The following DSCAM variants were observed in gnomAD, a reference collection of about 807,000 sequenced individuals.
DSCAM encodes the protein DS cell adhesion molecule.
Under a neutral mutation model 217.7 loss-of-function variants are expected in DSCAM, and 47 were observed. The observed-to-expected ratio is 0.22, with a 90% CI of 0.17 to 0.28. The LOEUF (loss-of-function observed/expected upper bound fraction) is 0.28, where lower values mean the gene tolerates loss of function less well. DSCAM is among the 10% of genes least tolerant of loss of function. The pLI, the probability that DSCAM is intolerant of heterozygous loss-of-function variation, is 1.00. For synonymous variants in DSCAM, 1,056 were observed against 1,015.3 expected (o/e 1.04, Z -0.76); for missense variants, 2,080 against 2,618.3 (o/e 0.79, Z 4.49).
At chr21:40,521,049 T>C (rs2076354769) in intron 3 of DSCAM, among the ~76,000 whole-genome samples, 1 of 152,208 alleles carries the variant, frequency 6.6e-6, no homozygotes, top group South Asian at 2.1e-4. Flanking sequence ...AAGCACTCTT[T>C]CTGTGTTTTA....
intron 1 of DSCAM, among the ~76,000 whole-genome samples, chr21:40,724,924 A>G (rs569379537): frequency 1.3e-5 from 2 of 152,210 alleles, no homozygotes; most frequent in Non-Finnish European, 2.9e-5. Context: ...TTCTTTCTTC[A>G]TGTAACGCAC....
intron 11 of DSCAM, among the ~76,000 whole-genome samples, chr21:40,205,319 T>C (rs577298301): frequency 6.6e-6 from 1 of 152,162 alleles, no homozygotes; most frequent in African/African-American, 2.4e-5. Context: ...AGTGTACTCT[T>C]GGGCCTGGTG....
intron 3 of DSCAM, among the ~76,000 whole-genome samples, chr21:40,425,757 C>T (rs912500421): frequency 6.7e-6 from 1 of 148,438 alleles, no homozygotes; most frequent in South Asian, 2.1e-4. Flanking sequence ...TAGTATAATT[C>T]TAAAGAATAT....
intron 2 of DSCAM, among the ~76,000 whole-genome samples, chr21:40,695,182 C>T (rs949245531): frequency 3.3e-5 from 5 of 152,224 alleles, no homozygotes; most frequent in Non-Finnish European, 7.4e-5. Context: ...GGTCAAGTTC[C>T]ATGTATCAGA....
At chr21:40,376,407 T>A (rs1250867753) in intron 3 of DSCAM, among the ~76,000 whole-genome samples, 1 of 146,848 alleles carries the variant, frequency 6.8e-6, no homozygotes, top group Non-Finnish European at 1.5e-5. Context: ...TATATATCTA[T>A]ATCATATATA....
At chr21:40,466,932 C>T (rs2145959669) in intron 3 of DSCAM, among the ~76,000 whole-genome samples, 1 of 152,246 alleles carries the variant, frequency 6.6e-6, no homozygotes, top group Middle Eastern at 3.4e-3. Flanking sequence ...CATTGTTTTC[C>T]TAATGCAATT....
chr21:40,836,130 C>T (rs965844973), intron 1 of DSCAM, among the ~76,000 whole-genome samples: 9 of 152,158 alleles, frequency 5.9e-5, no homozygotes, highest in Non-Finnish European at 1.3e-4. Context: ...TCAGCCCGTT[C>T]TAGCTCATCT....
chr21:40,225,365 C>A (rs531457242), intron 11 of DSCAM, among the ~76,000 whole-genome samples: 3 of 152,162 alleles, frequency 2.0e-5, no homozygotes, highest in Non-Finnish European at 4.4e-5. Flanking sequence ...CATTGCCATC[C>A]CAGCCTCTTC....
intron 30 of DSCAM, among the ~76,000 whole-genome samples, chr21:40,048,131 C>A (rs967373460): frequency 2.0e-5 from 3 of 152,200 alleles, no homozygotes; most frequent in Non-Finnish European, 2.9e-5. Flanking sequence ...ATCCCCTAGT[C>A]TCTGAGACTA....
At chr21:40,251,163 G>C (rs1276241571) in intron 11 of DSCAM, among the ~76,000 whole-genome samples, 1 of 152,214 alleles carries the variant, frequency 6.6e-6, no homozygotes. Flanking sequence ...GGCCATCGAG[G>C]GCTGGCTACA....
At chr21:40,581,873 A>T (rs896259410) in intron 3 of DSCAM, among the ~76,000 whole-genome samples, 1 of 152,198 alleles carries the variant, frequency 6.6e-6, no homozygotes, top group Non-Finnish European at 1.5e-5. Flanking sequence ...TGTAAAAAAA[A>T]TTAACAAAGT....
intron 20 of DSCAM, among the ~76,000 whole-genome samples, chr21:40,108,521 A>G (rs1972320914): frequency 6.6e-6 from 1 of 152,222 alleles, no homozygotes; most frequent in Admixed American, 6.5e-5. Context: ...ACAAATGGAA[A>G]AACATTTCAT....
chr21:40,332,464 G>A (rs2074387466), intron 8 of DSCAM, among the ~76,000 whole-genome samples: 2 of 152,144 alleles, frequency 1.3e-5, no homozygotes, highest in Non-Finnish European at 2.9e-5. Flanking sequence ...AAAGTGTTTT[G>A]TAAACTATAA....
intron 15 of DSCAM, among the ~76,000 whole-genome samples, chr21:40,176,650 C>T (rs952718501): frequency 6.6e-6 from 1 of 152,244 alleles, no homozygotes; most frequent in Non-Finnish European, 1.5e-5. Context: ...TCTGCTGTAG[C>T]TTTTCATTTC....
At chr21:40,342,649 T>TATA (rs1555907253) in intron 6 of DSCAM, among the ~76,000 whole-genome samples, 847 of 38,910 alleles carry the variant, frequency 0.022, 7 homozygotes, top group African/African-American at 0.058. Flanking sequence ...TATATATATA[T>TATA]TTTTTTTTTT....
intron 2 of DSCAM, among the ~76,000 whole-genome samples, chr21:40,695,015 C>T (rs1020226931): frequency 3.9e-5 from 6 of 152,088 alleles, no homozygotes; most frequent in African/African-American, 1.4e-4. Context: ...GGAATAGTGC[C>T]CCTAAGCAGG....
At chr21:40,480,053 C>T (rs1283257201) in intron 3 of DSCAM, among the ~76,000 whole-genome samples, 1 of 152,174 alleles carries the variant, frequency 6.6e-6, no homozygotes, top group African/African-American at 2.4e-5. Context: ...TACCCCCAAA[C>T]TCAGTCAGCT....
chr21:40,382,975 A>C (rs1324909066), intron 3 of DSCAM: 1 of 152,292 alleles, frequency 6.6e-6, no homozygotes, highest in Non-Finnish European at 1.5e-5. Flanking sequence ...AAACAATTGC[A>C]AAACAGAGGC....
At chr21:40,241,335 A>G (rs2073149781) in intron 11 of DSCAM, among the ~76,000 whole-genome samples, 1 of 152,242 alleles carries the variant, frequency 6.6e-6, no homozygotes, top group East Asian at 1.9e-4. Flanking sequence ...AAGGATATGA[A>G]CAGATGCTTT....
Sources: gnomAD v4.1 joint callset for allele counts (sites outside exome capture counted in the v4.1 genomes callset) on GRCh38, gnomAD v4.1.1 for gene constraint, MANE v1.5 for transcripts, NCBI Gene and HGNC (gene_info 2026-07-23, HGNC 2026-07-21) for gene names.